The following TRAF3IP1 variants were observed in gnomAD, a reference collection of about 807,000 sequenced individuals.
TRAF3IP1 encodes intraflagellar transport 54, also known as TRAF3-interacting protein 1.
In TRAF3IP1, 53 loss-of-function variants were observed where a neutral mutation model predicts 89.9. That is an observed-to-expected ratio of 0.59 (90% confidence interval 0.47 to 0.74). The LOEUF is 0.74. Ranked by LOEUF, TRAF3IP1 falls within the 30% of genes least tolerant of loss-of-function variation. The pLI is 0.00. For missense variants in TRAF3IP1, 806 were observed against 866.1 expected (o/e 0.93, Z 0.87); for synonymous variants, 311 against 322.1 (o/e 0.97, Z 0.37).
Position 238,339,671 on chromosome 2 carries a change from T to C in TRAF3IP1, c.1159+1214T>C, listed in dbSNP as rs144607513. 8.3e-3 allele frequency among the ~76,000 whole-genome samples: 1,262 copies of C among 152,336 alleles called. 32 individuals carry two copies. Among genetic ancestry groups the C allele is most frequent in the Admixed American group, 0.054 (824 of 15,300 alleles). On this transcript the variant is annotated intron_variant, in intron 8 of 16. Transcript: ENST00000373327. ...TCTCTGAGCCACAGTTTCCTCGTCA[T>C]AAATGGGCGTAAAGATACCTGCCTT...
At chr2:238,354,182 AT>A (rs1699301872) in intron 14 of TRAF3IP1, among the ~76,000 whole-genome samples, 1 of 151,944 alleles carries the variant, frequency 6.6e-6, no homozygotes, top group Non-Finnish European at 1.5e-5. Flanking sequence ...TATTGGAGTT[AT>A]TTTCTGGGGG....
Position 238,320,801 on chromosome 2 carries a change from C to A in TRAF3IP1, c.123+16C>A, listed in dbSNP as rs1339116838. 6.5e-6 allele frequency: 9 copies of A among 1,393,026 alleles called. No individual in the cohort carries two copies. The African/African-American group carries it at 9.0e-5, about 14-fold the overall frequency. The allele number at this position is 1,393,026 out of a possible 1,614,324, so 86.3% of individuals were successfully genotyped here. Reference sequence around the variant, plus strand: ...CATCACGGAGGTGGGCGCCGGGGACCGGGCCCGGCCAGGTGCGGGTCGGGA... The same window carrying A: ...CATCACGGAGGTGGGCGCCGGGGACAGGGCCCGGCCAGGTGCGGGTCGGGA... On this transcript the variant is annotated intron_variant, in intron 1 of 16. Transcript: ENST00000373327.
chr2:238,339,201 G>A (rs1021572082), intron 8 of TRAF3IP1, among the ~76,000 whole-genome samples: 1 of 152,190 alleles, frequency 6.6e-6, no homozygotes, highest in Admixed American at 6.5e-5. Flanking sequence ...GCATTTCCAG[G>A]AGTGGGCGCA....
At chr2:238,372,454 A>G (rs943833492) in intron 15 of TRAF3IP1, among the ~76,000 whole-genome samples, 1 of 152,240 alleles carries the variant, frequency 6.6e-6, no homozygotes, top group Non-Finnish European at 1.5e-5. Flanking sequence ...TGCAAAGGAC[A>G]TGAACTCATC....
Position 238,357,589 on chromosome 2 carries a change from C to T in TRAF3IP1, c.1689+1509C>T, listed in dbSNP as rs111916831. ...AATAATAACTGGAGAATGTTGTCGGCGGAGGCTTTGCTGACAGCACCACTG... is the reference window on the plus strand; with the variant it reads ...AATAATAACTGGAGAATGTTGTCGGTGGAGGCTTTGCTGACAGCACCACTG... On this transcript the variant is annotated intron_variant, in intron 15 of 16. Coordinates refer to ENST00000373327, the MANE Select transcript of TRAF3IP1 (RefSeq NM_015650.4). 1.7e-3 allele frequency among the ~76,000 whole-genome samples: 256 copies of T among 152,300 alleles called. 1 individual carries two copies. The highest frequency in any genetic ancestry group is 5.9e-3 in the African/African-American group (246 of 41,550).
chr2:238,364,683 C>T (rs750297408), intron 15 of TRAF3IP1, among the ~76,000 whole-genome samples: 13 of 151,128 alleles, frequency 8.6e-5, no homozygotes, highest in Non-Finnish European at 8.9e-5. Context: ...TTTTTCTTTT[C>T]ATTTAAATTT....
At chr2:238,376,466 A>G (rs1700321684) in intron 15 of TRAF3IP1, among the ~76,000 whole-genome samples, 1 of 152,124 alleles carries the variant, frequency 6.6e-6, no homozygotes, top group South Asian at 2.1e-4. Flanking sequence ...TTCTTCAGCT[A>G]TGTTTTGGCA....
intron 15 of TRAF3IP1, among the ~76,000 whole-genome samples, chr2:238,394,562 A>AT (rs1438138742): frequency 6.6e-6 from 1 of 152,200 alleles, no homozygotes; most frequent in African/African-American, 2.4e-5. Flanking sequence ...ATGGCATTGT[A>AT]TTTTTAATTG....
intron 8 of TRAF3IP1, among the ~76,000 whole-genome samples, chr2:238,339,699 G>A (rs961632057): frequency 6.6e-6 from 1 of 152,256 alleles, no homozygotes; most frequent in Middle Eastern, 3.2e-3. Context: ...CCTGCCTTGA[G>A]GGTGAACGAG....
intron 15 of TRAF3IP1, among the ~76,000 whole-genome samples, chr2:238,386,710 TC>T: frequency 1.3e-5 from 2 of 152,238 alleles, no homozygotes; most frequent in South Asian, 4.1e-4. Context: ...ACTCATAAAA[TC>T]AATTTTCAGA....
chr2:238,361,991 G>A (rs1699681211), intron 15 of TRAF3IP1, among the ~76,000 whole-genome samples: 1 of 152,078 alleles, frequency 6.6e-6, no homozygotes, highest in Non-Finnish European at 1.5e-5. Context: ...ACCTTCATCC[G>A]AGTTGCCTGA....
intron 1 of TRAF3IP1, among the ~76,000 whole-genome samples, chr2:238,321,713 A>T (rs1372524087): frequency 1.3e-5 from 2 of 152,180 alleles, no homozygotes; most frequent in Non-Finnish European, 2.9e-5. Context: ...GCGTCACTGC[A>T]GCGGGCGCAG....
intron 3 of TRAF3IP1, among the ~76,000 whole-genome samples, chr2:238,326,651 G>A (rs1017152320): frequency 1.3e-5 from 2 of 152,114 alleles, no homozygotes; most frequent in African/African-American, 2.4e-5. Flanking sequence ...TTTGAGGGCC[G>A]AGTAGTGCCC....
chr2:238,338,340 G>C, intron 7 of TRAF3IP1, 22 bp from the exon 8 acceptor site: 2 of 1,383,916 alleles, frequency 1.4e-6, no homozygotes, highest in Non-Finnish European at 2.0e-6. Context: ...ATTTTAATCT[G>C]TTGTTAACTA....
At chr2:238,342,230 C>A (rs1292689614) in intron 8 of TRAF3IP1, among the ~76,000 whole-genome samples, 1 of 152,172 alleles carries the variant, frequency 6.6e-6, no homozygotes, top group African/African-American at 2.4e-5. Flanking sequence ...CTCAGGTGAT[C>A]CACCTGTCTG....
chr2:238,326,786 C>G, intron 3 of TRAF3IP1, among the ~76,000 whole-genome samples: 1 of 152,028 alleles, frequency 6.6e-6, no homozygotes, highest in East Asian at 1.9e-4. Flanking sequence ...GGTTTCAGCC[C>G]CCTCAACAGC....
At position 238,379,366 on chromosome 2, in the gene TRAF3IP1, G is replaced by A. The variant is rs917452781; in HGVS notation, c.1690-18093G>A. 1.3e-5 allele frequency among the ~76,000 whole-genome samples: 2 copies of A among 152,208 alleles called. No individual in the cohort carries two copies. The highest frequency in any genetic ancestry group is 1.9e-4 in the East Asian group (1 of 5,198). ...AGACCATGCGACTGACTGAGACCAT[G>A]CAGCTGGCTGTCAGGATGCTGGTGG... On this transcript the variant is annotated intron_variant, in intron 15 of 16. Coordinates refer to ENST00000373327, the MANE Select transcript of TRAF3IP1 (RefSeq NM_015650.4). This position sits in a 1 kb window ranked among gnomAD's most constrained non-coding sequence, Gnocchi z 4.0.
intron 5 of TRAF3IP1, among the ~76,000 whole-genome samples, chr2:238,330,600 T>C: frequency 6.6e-6 from 1 of 152,204 alleles, no homozygotes; most frequent in East Asian, 1.9e-4. Flanking sequence ...ACAGCCATCT[T>C]GTCTTGTGGC....
chr2:238,364,059 A>G (rs1183221671), intron 15 of TRAF3IP1, among the ~76,000 whole-genome samples: 5 of 152,130 alleles, frequency 3.3e-5, no homozygotes, highest in African/African-American at 1.2e-4. Context: ...ATAATTGCTT[A>G]TTTTCTCTCT....
Sources: allele counts gnomAD v4.1 joint callset (sites outside exome capture counted in the v4.1 genomes callset), GRCh38; gene constraint gnomAD v4.1.1; non-coding constraint Gnocchi (gnomAD v3.1); transcripts MANE v1.5; gene names NCBI Gene and HGNC (gene_info 2026-07-23, HGNC 2026-07-21).